The following SLC22A13 variants were observed in gnomAD, a reference collection of about 807,000 sequenced individuals.
SLC22A13 encodes solute carrier family 22 member 13.
Under a neutral mutation model 49.1 loss-of-function variants are expected in SLC22A13, and 42 were observed. That is an observed-to-expected ratio of 0.85 (90% CI 0.67 to 1.11). SLC22A13 has a LOEUF of 1.11. Ranked by LOEUF, SLC22A13 falls within the 50% of genes least tolerant of loss-of-function variation. The pLI is 0.00. For synonymous variants in SLC22A13, 282 were observed against 293.1 expected, an observed-to-expected ratio of 0.96 and a Z score of 0.39; for missense variants, 694 against 712.8, an observed-to-expected ratio of 0.97 and a Z score of 0.30.
At chr3:38,275,842 C>G (rs374893821) in intron 6 of SLC22A13, 40 bp from the exon 7 acceptor site, 1 of 1,579,318 alleles carries the variant, frequency 6.3e-7, no homozygotes, top group Middle Eastern at 1.7e-4. Flanking sequence ...GGTGGTGTCT[C>G]GTCACCCAGC....
Position 38,275,963 on chromosome 3 carries a change from C to G in SLC22A13, c.1104C>G (p.Ile368Met). 6.2e-7 allele frequency: 1 copy of G among 1,614,214 alleles called. No homozygotes were observed. Among genetic ancestry groups the G allele is most frequent in the Non-Finnish European group, 8.5e-7 (1 of 1,180,016 alleles). ...TGGACGTCTATCTGACGCAGCTCAT[C>G]TTTGGAGCTGTTGAGGTGCCTGCCC... ...FGLDVYLTQL[I>M]FGAVEVPARC... The change falls in exon 7 of 10, where the codon ATC becomes ATG. Residue 368 changes from isoleucine (I) to methionine (M), a missense_variant. By Grantham distance (10) the Ile-to-Met change is conservative. Coordinates refer to ENST00000311856, the MANE Select transcript of SLC22A13 (RefSeq NM_004256.4).
At chr3:38,274,430 AG>A in intron 2 of SLC22A13, 55 bp downstream of exon 2, 1 of 1,513,082 alleles carries the variant, frequency 6.6e-7, no homozygotes, top group South Asian at 1.1e-5. Context: ...GCTCTGGCAC[AG>A]GCCCAAGTCC....
Position 38,266,159 on chromosome 3 carries a change from G to A in SLC22A13, c.299G>A (p.Ser100Asn). The A allele has an allele frequency of 6.2e-7, 1 of 1,614,194 alleles. No individual in the cohort carries two copies. Among genetic ancestry groups the A allele is most frequent in the African/African-American group, 1.3e-5 (1 of 75,048 alleles). The change falls in exon 1 of 10, where the codon AGC (serine) becomes AAC (asparagine). Residue 100 changes from serine to asparagine, a missense_variant. Ser to Asn is a conservative substitution (Grantham distance 46). Transcript: ENST00000311856. The stretch of plus-strand genomic sequence containing the variant: ...AATGCCAGCCTGCAGGACATCCTCA[G>A]CCACCGCTTCAATGAGACGCAGCCT... ...PANASLQDIL[S>N]HRFNETQPCD...
chr3:38,277,375 C>T lies in SLC22A13; in HGVS notation c.1566C>T (p.Ser522=), dbSNP rs1448685392. The T allele has an allele frequency of 6.2e-7, 1 of 1,613,264 alleles. No homozygotes were observed. The highest frequency in any genetic ancestry group is 8.5e-7 in the Non-Finnish European group (1 of 1,179,336). ...GACAGCCTTCTGCTCCCTCTAGGTC[C>T]CCCAAATCAGTGCCCTCAGAGAAGG... The part of the protein sequence containing the change: ...QDLELGPHPR[S]PKSVPSEKET... The change falls in exon 10 of 10, where the codon TCC becomes TCT. Residue 522 remains serine, a synonymous_variant. Coordinates refer to ENST00000311856, the MANE Select transcript of SLC22A13 (RefSeq NM_004256.4).
intron 1 of SLC22A13, chr3:38,270,639 T>C (rs538520823): frequency 6.0e-6 from 1 of 168,002 alleles, no homozygotes; most frequent in East Asian, 1.5e-4. Context: ...CCACCAACCA[T>C]AACCATGACC....
At chr3:38,277,309 G>A in intron 9 of SLC22A13, 63 bp from the exon 10 acceptor site, 1 of 1,307,530 alleles carries the variant, frequency 7.6e-7, no homozygotes, top group Non-Finnish European at 1.1e-6. Context: ...GGAGGGAGGT[G>A]GTGAGGACAC....
In SLC22A13 at chr3:38,274,593, T is replaced by G; in HGVS notation, c.483-11T>G. The G allele has an allele frequency of 6.2e-7, 1 of 1,612,618 alleles. No homozygotes were observed. The highest frequency in any genetic ancestry group is 8.5e-7 in the Non-Finnish European group (1 of 1,179,384). On this transcript the variant is annotated splice_polypyrimidine_tract_variant and intron_variant, in intron 2 of 9. Transcript: ENST00000311856. Reference sequence around the variant, plus strand: ...AGGGACCCTCCCCACAGACCTGCCCTGTTTCCTCAGGATTGGCCGCAAGGC... The same window carrying G: ...AGGGACCCTCCCCACAGACCTGCCCGGTTTCCTCAGGATTGGCCGCAAGGC...
rs1559538166 is a variant in SLC22A13 at position 38,276,010 on chromosome 3, T to G, written c.1151T>G (p.Met384Arg). Reference protein sequence around the residue: ...VPARCSSIFMMQRFGRKWSQL... With the variant: ...VPARCSSIFMRQRFGRKWSQL... ...GCCCGCTGTTCCAGCATCTTCATGA[T>G]GCAGAGGTTTGGCCGCAAGTGGAGC... The change falls in exon 7 of 10, where the codon ATG (methionine) becomes AGG (arginine). Residue 384 changes from methionine to arginine, a missense_variant. By Grantham distance (91) the Met-to-Arg change is moderately conservative (BLOSUM62 -1). Transcript: ENST00000311856. 1 of 1,614,104 alleles carries G rather than the reference T, an allele frequency of 6.2e-7. No homozygotes were observed.
chr3:38,266,131 G>T lies in SLC22A13; in HGVS notation c.271G>T (p.Ala91Ser). 6.2e-7 allele frequency: 1 copy of T among 1,614,058 alleles called. No homozygotes were observed. Among genetic ancestry groups the T allele is most frequent in the Non-Finnish European group, 8.5e-7 (1 of 1,180,016 alleles). ...EPCLMFRPPP[A>S]NASLQDILSH... ...CTGCCTCATGTTCCGGCCACCCCCC[G>T]CCAATGCCAGCCTGCAGGACATCCT... is the stretch of plus-strand genomic sequence containing the variant. The change falls in exon 1 of 10, where the codon GCC (alanine) becomes TCC (serine). Residue 91 changes from alanine (A) to serine (S), a missense_variant. Transcript: ENST00000311856.
At position 38,276,101 on chromosome 3, in the gene SLC22A13, C is replaced by G. The variant is rs1703580414; in HGVS notation, c.1237+5C>G. 2 of 1,611,074 alleles carry G rather than the reference C, an allele frequency of 1.2e-6. No individual in the cohort carries two copies. The highest frequency in any genetic ancestry group is 1.7e-6 in the Non-Finnish European group (2 of 1,178,018). The stretch of plus-strand genomic sequence containing the variant: ...TCATCATCTTCATCCCAGCAGGTAT[C>G]AGGGCTGGCTATCCCTCACCCGCAT... On this transcript the variant is annotated splice_donor_5th_base_variant and intron_variant, in intron 7 of 9. Transcript: ENST00000311856.
chr3:38,273,668 A>G (rs977909096), intron 1 of SLC22A13, among the ~76,000 whole-genome samples: 2 of 152,224 alleles, frequency 1.3e-5, no homozygotes, highest in Non-Finnish European at 2.9e-5. Context: ...ATAATTTTAC[A>G]TGGCATCTCC....
At chr3:38,276,524 T>A in intron 8 of SLC22A13, 129 bp downstream of exon 8, 1 of 668,660 alleles carries the variant, frequency 1.5e-6, no homozygotes, top group South Asian at 1.9e-5. Flanking sequence ...CTGGGCAGGG[T>A]CCAGGACAAC....
intron 1 of SLC22A13, among the ~76,000 whole-genome samples, chr3:38,266,631 A>G (rs1004813945): frequency 1.3e-5 from 2 of 151,722 alleles, no homozygotes; most frequent in Non-Finnish European, 2.9e-5. Flanking sequence ...ATGTCTGCCT[A>G]TGTTCCTATT....
chr3:38,275,006 C>T lies in SLC22A13; in HGVS notation c.655C>T (p.Pro219Ser), dbSNP rs770664401. 9 of 1,614,160 alleles carry T rather than the reference C, an allele frequency of 5.6e-6. No individual in the cohort carries two copies. The South Asian group carries it at 9.9e-5, about 18-fold the overall frequency. ...NVTLLTEWVG[P>S]SWRTQAVVLA... ...TGCCACAGTGACAGAATGGGTGGGGCCCTCATGGAGGACGCAGGCCGTGGT... is the reference window on the plus strand; with the variant it reads ...TGCCACAGTGACAGAATGGGTGGGGTCCTCATGGAGGACGCAGGCCGTGGT... The change falls in exon 4 of 10, where the codon CCC becomes TCC. Residue 219 changes from proline (P) to serine (S), a missense_variant. Pro to Ser is a moderately conservative substitution (Grantham distance 74). Coordinates refer to ENST00000311856, the MANE Select transcript of SLC22A13 (RefSeq NM_004256.4).
intron 1 of SLC22A13, among the ~76,000 whole-genome samples, chr3:38,273,658 A>G (rs1474026687): frequency 6.6e-6 from 1 of 152,240 alleles, no homozygotes; most frequent in African/African-American, 2.4e-5. Context: ...TATTGTGTCA[A>G]TAATTTTACA....
chr3:38,267,579 T>C lies in SLC22A13; in HGVS notation c.378+1341T>C, dbSNP rs541565045. Among the ~76,000 whole-genome samples the C allele has an allele frequency of 2.6e-5, 4 of 152,308 alleles. No individual in the cohort carries two copies. In the East Asian group the frequency reaches 7.7e-4, roughly 29 times the overall value. ...ATTGCTCACAGACTACTCTAGGCCT[T>C]CTTCACACCCCATGCTGGACTGTTC... On this transcript the variant is annotated intron_variant, in intron 1 of 9. Transcript: ENST00000311856.
rs1167633993 is a variant in SLC22A13, at chr3:38,265,906, C to G, written c.46C>G (p.Arg16Gly). ...QVLAEIGDFG[R>G]FQIQLLILLC... ...CCTGGCTGAAATAGGTGACTTTGGT[C>G]GCTTCCAGATACAGCTATTGATCCT... is the stretch of plus-strand genomic sequence containing the variant. Residue 16 changes from arginine to glycine, a missense_variant, in exon 1 of 10, where the codon CGC becomes GGC. By Grantham distance (125) the Arg-to-Gly change is moderately radical (BLOSUM62 -2). Transcript: ENST00000311856. 3 of 1,613,936 alleles carry G rather than the reference C, an allele frequency of 1.9e-6. No homozygotes were observed. In the Admixed American group the frequency reaches 5.0e-5, roughly 27 times the overall value.
rs770138073 is a variant in SLC22A13 at position 38,274,653 on chromosome 3, A to G, written c.532A>G (p.Ile178Val). 4 of 1,614,028 alleles carry G rather than the reference A, an allele frequency of 2.5e-6. No individual in the cohort carries two copies. Among genetic ancestry groups the G allele is most frequent in the Non-Finnish European group, 3.4e-6 (4 of 1,179,996 alleles). The change falls in exon 3 of 10, where the codon ATC becomes GTC. Residue 178 changes from isoleucine to valine, a missense_variant. Ile to Val is a conservative substitution (Grantham distance 29, BLOSUM62 3). Transcript: ENST00000311856. The part of the protein sequence containing the change: ...ILAQLLLFTL[I>V]GLATAFVPSF... The stretch of plus-strand genomic sequence containing the variant: ...GGCGCAGCTGCTCCTCTTCACCCTC[A>G]TCGGCCTGGCCACAGCTTTTGTGCC...
chr3:38,276,387 C>T lies in SLC22A13; in HGVS notation c.1338C>T (p.Thr446=). The T allele has an allele frequency of 6.2e-7, 1 of 1,608,038 alleles. No individual in the cohort carries two copies. The highest frequency in any genetic ancestry group is 8.5e-7 in the Non-Finnish European group (1 of 1,175,704). The change falls in exon 8 of 10, where the codon ACC becomes ACT. Residue 446 remains threonine, a synonymous_variant. Transcript: ENST00000311856. ...TGTACTCTGCCGAGCTTTTCCCCAC[C>T]ATCCTCCGGTAAGAGCTGCAGTGTG... ...SYVYSAELFP[T]ILRQTGMGLV...
Sources: allele counts gnomAD v4.1 joint callset (sites outside exome capture counted in the v4.1 genomes callset), GRCh38; gene constraint gnomAD v4.1.1; transcripts MANE v1.5; gene names NCBI Gene and HGNC (gene_info 2026-07-23, HGNC 2026-07-21).